NSMCE2: variants seen among roughly 807,000 people sequenced by gnomAD.
NSMCE2 encodes NSE2 SUMO ligase component of SMC5/6 complex, also known as E3 SUMO-protein ligase NSE2.
In NSMCE2, 24 loss-of-function variants were observed where a neutral mutation model predicts 23.8. The observed-to-expected ratio is 1.01, with a 90% CI of 0.73 to 1.42. The LOEUF is 1.42. Among genes scored for constraint, NSMCE2 ranks in the 40% most tolerant of loss-of-function variants. The pLI is 0.00. For synonymous variants in NSMCE2, 92 were observed against 94.1 expected, an observed-to-expected ratio of 0.98 and a Z score of 0.13; for missense variants, 284 against 296.5, an observed-to-expected ratio of 0.96 and a Z score of 0.31.
intron 5 of NSMCE2, among the ~76,000 whole-genome samples, chr8:125,297,713 T>C (rs1189642929): frequency 6.6e-6 from 1 of 151,394 alleles, no homozygotes; most frequent in Non-Finnish European, 1.5e-5. Context: ...CGTGCGCCTG[T>C]AGTCATAGCT....
chr8:125,232,688 C>A (rs571554419), intron 5 of NSMCE2, among the ~76,000 whole-genome samples: 1 of 152,236 alleles, frequency 6.6e-6, no homozygotes, highest in Admixed American at 6.5e-5. Context: ...AACTCATAGC[C>A]AATTTTGTTT....
intron 5 of NSMCE2, among the ~76,000 whole-genome samples, chr8:125,251,685 A>G (rs1226546979): frequency 2.6e-5 from 4 of 152,236 alleles, no homozygotes; most frequent in Admixed American, 1.3e-4. Flanking sequence ...AGACAATGGA[A>G]TAGTTATTTT....
intron 3 of NSMCE2, among the ~76,000 whole-genome samples, chr8:125,148,023 T>C (rs1257955842): frequency 6.6e-6 from 1 of 152,172 alleles, no homozygotes; most frequent in Non-Finnish European, 1.5e-5. Flanking sequence ...CTGACTACAG[T>C]TATCTGACGG....
At chr8:125,101,509 C>T (rs2130353128) in intron 1 of NSMCE2, among the ~76,000 whole-genome samples, 1 of 152,210 alleles carries the variant, frequency 6.6e-6, no homozygotes, top group African/African-American at 2.4e-5. Context: ...TTTCTGCTGC[C>T]ATAGAGCCTT....
At chr8:125,178,575 G>T (rs1822608628) in intron 4 of NSMCE2, among the ~76,000 whole-genome samples, 3 of 152,168 alleles carry the variant, frequency 2.0e-5, no homozygotes, top group Admixed American at 2.0e-4. Context: ...GGTATTTAAA[G>T]AAGTCATTAG....
In NSMCE2 at chr8:125,226,874, C is replaced by T. The variant is rs116099404; in HGVS notation, c.418+44618C>T. Among the ~76,000 whole-genome samples, 203 of 152,182 alleles carry T rather than the reference C, an allele frequency of 1.3e-3. 1 individual carries two copies. The highest frequency in any genetic ancestry group is 4.5e-3 in the African/African-American group (188 of 41,498). ...CCCTTAGTTTCCTCTTTTCTCTCCC[C>T]GTTTCATGGCACTGCTCTCCAAAAC... is the stretch of plus-strand genomic sequence containing the variant. On this transcript the variant is annotated intron_variant, in intron 5 of 7. Coordinates refer to ENST00000287437, the MANE Select transcript of NSMCE2 (RefSeq NM_173685.4).
At chr8:125,229,235 A>T (rs1281348478) in intron 5 of NSMCE2, among the ~76,000 whole-genome samples, 1 of 152,182 alleles carries the variant, frequency 6.6e-6, no homozygotes, top group Non-Finnish European at 1.5e-5. Context: ...GAAAAGAGAG[A>T]TGCAAGAGAC....
intron 5 of NSMCE2, among the ~76,000 whole-genome samples, chr8:125,244,184 G>A (rs1006073215): frequency 6.6e-6 from 1 of 151,984 alleles, no homozygotes; most frequent in Non-Finnish European, 1.5e-5. Context: ...TCAACAATTA[G>A]GCAGGAGGAA....
At chr8:125,322,990 C>T (rs1029410552) in intron 5 of NSMCE2, among the ~76,000 whole-genome samples, 8 of 152,096 alleles carry the variant, frequency 5.3e-5, no homozygotes, top group African/African-American at 2.4e-5. Context: ...ACCCAGGTTT[C>T]GGAGGTTGCA....
chr8:125,361,008 T>C (rs974284832), intron 7 of NSMCE2, among the ~76,000 whole-genome samples: 1 of 152,016 alleles, frequency 6.6e-6, no homozygotes, highest in Non-Finnish European at 1.5e-5. Flanking sequence ...TTTCCTAAAA[T>C]ATATCTGTTA....
chr8:125,130,327 G>A (rs764503066), intron 3 of NSMCE2: 13 of 451,652 alleles, frequency 2.9e-5, no homozygotes, highest in African/African-American at 2.0e-4. Flanking sequence ...GGCCCTAGTA[G>A]TGTTTGTCAA....
At position 125,177,012 on chromosome 8, in the gene NSMCE2, A is replaced by AT. The variant is rs546464225; in HGVS notation, c.265-5085dup. Among the ~76,000 whole-genome samples, 11 of 152,250 alleles carry AT rather than the reference A, an allele frequency of 7.2e-5. No homozygotes were observed. The South Asian group carries it at 2.3e-3, about 32-fold the overall frequency. On this transcript the variant is annotated intron_variant, in intron 4 of 7. Coordinates refer to ENST00000287437, the MANE Select transcript of NSMCE2 (RefSeq NM_173685.4). ...TTCCCAGCTGGTTGCAGACTTCTCT[A>AT]TTTTTTGCCCTAGTACTGGAATGGT...
chr8:125,119,823 C>T (rs1181289499), intron 3 of NSMCE2, among the ~76,000 whole-genome samples: 1 of 152,016 alleles, frequency 6.6e-6, no homozygotes, highest in Non-Finnish European at 1.5e-5. Context: ...TTATCCAGAC[C>T]TATTTTTTCT....
chr8:125,320,234 A>G (rs908650388), intron 5 of NSMCE2, among the ~76,000 whole-genome samples: 6,035 of 28,736 alleles, frequency 0.21, 376 homozygotes, highest in South Asian at 0.3. Flanking sequence ...GAGGGAGGGA[A>G]GGGAGGGAGG....
chr8:125,255,729 G>A lies in NSMCE2; in HGVS notation c.418+73473G>A, dbSNP rs368897247. 1.6e-4 allele frequency among the ~76,000 whole-genome samples: 24 copies of A among 152,318 alleles called. No individual in the cohort carries two copies. In the East Asian group the frequency reaches 3.3e-3, roughly 21 times the overall value. ...AAGACATATTGTGTACACACAGCTTGTTATTTTCATTATTGTTGTATTGCA... is the reference window on the plus strand; with the variant it reads ...AAGACATATTGTGTACACACAGCTTATTATTTTCATTATTGTTGTATTGCA... On this transcript the variant is annotated intron_variant, in intron 5 of 7. Coordinates refer to ENST00000287437, the MANE Select transcript of NSMCE2 (RefSeq NM_173685.4).
At chr8:125,215,764 TTTC>T (rs1453020535) in intron 5 of NSMCE2, among the ~76,000 whole-genome samples, 1 of 152,336 alleles carries the variant, frequency 6.6e-6, no homozygotes, top group East Asian at 1.9e-4. Context: ...GGTAGCCAGT[TTTC>T]CCAGCACCAT....
intron 5 of NSMCE2, among the ~76,000 whole-genome samples, chr8:125,308,121 T>G (rs1828833580): frequency 6.6e-6 from 1 of 152,110 alleles, no homozygotes; most frequent in Non-Finnish European, 1.5e-5. Flanking sequence ...TGTTTCCTAG[T>G]CTCGGAGGCA....
intron 5 of NSMCE2, chr8:125,348,742 C>T (rs1286739661): frequency 6.6e-6 from 1 of 152,162 alleles, no homozygotes; most frequent in Non-Finnish European, 1.5e-5. Context: ...CTTCGTCTTC[C>T]TCCATGATTG....
At chr8:125,212,961 T>C (rs1586619297) in intron 5 of NSMCE2, among the ~76,000 whole-genome samples, 1 of 152,210 alleles carries the variant, frequency 6.6e-6, no homozygotes, top group East Asian at 1.9e-4. Flanking sequence ...GTAGACTTAA[T>C]GTGAAGAATA....
Sources: allele counts gnomAD v4.1 joint callset (sites outside exome capture counted in the v4.1 genomes callset), GRCh38; gene constraint gnomAD v4.1.1; transcripts MANE v1.5; gene names NCBI Gene and HGNC (gene_info 2026-07-23, HGNC 2026-07-21).